GSS: variants seen among roughly 807,000 people sequenced by gnomAD.
GSS encodes glutathione synthetase, also known as GSH synthetase.
A neutral mutation model predicts 60.4 loss-of-function variants in GSS; 34 were observed. The observed-to-expected ratio is 0.56, with a 90% confidence interval of 0.43 to 0.75. GSS has a LOEUF of 0.75. Among genes scored for constraint, GSS ranks in the 30% least tolerant of loss-of-function variants. The pLI, the probability that GSS is intolerant of heterozygous loss-of-function variation, is 0.00. For synonymous variants in GSS, 224 were observed against 239.0 expected (o/e 0.94, Z 0.58); for missense variants, 499 against 595.1 (o/e 0.84, Z 1.68).
chr20:34,931,720 ACCT>A, intron 10 of GSS: 1 of 623,322 alleles, frequency 1.6e-6, no homozygotes, highest in Middle Eastern at 4.3e-4. Flanking sequence ...CCTCATCTCT[ACCT>A]TTGCTGAGGG....
intron 6 of GSS, among the ~76,000 whole-genome samples, chr20:34,937,646 C>G (rs2081450463): frequency 1.3e-5 from 2 of 152,096 alleles, no homozygotes; most frequent in African/African-American, 2.4e-5. Flanking sequence ...AATGAGATCA[C>G]TAGGGCTTAT....
intron 11 of GSS, 31 bp from the exon 12 acceptor site, chr20:34,929,621 C>A (rs754511253): frequency 1.3e-6 from 2 of 1,573,568 alleles, no homozygotes; most frequent in Non-Finnish European, 1.7e-6. Context: ...CACCCTGGAC[C>A]CTCTGCCTAC....
intron 6 of GSS, among the ~76,000 whole-genome samples, chr20:34,941,263 A>G (rs573491326): frequency 1.3e-5 from 2 of 151,934 alleles, no homozygotes; most frequent in Admixed American, 6.6e-5. Context: ...GCTGAGGCAG[A>G]AGAATTGCTT....
chr20:34,950,849 T>G (rs765004960), intron 2 of GSS, among the ~76,000 whole-genome samples: 2 of 152,196 alleles, frequency 1.3e-5, no homozygotes, highest in Non-Finnish European at 2.9e-5. Context: ...CAAGCTGCAT[T>G]AGGGTAAACT....
At position 34,928,736 on chromosome 20, in the gene GSS, C is replaced by A. The variant is rs1481093457; in HGVS notation, c.*92G>T. ...ACCAGTATTTACCCTTCCATAAAAA[C>A]TTTGGAGGTCTTTAGGAGGATACCC... On this transcript the variant is annotated 3_prime_UTR_variant, in exon 13 of 13. Coordinates refer to ENST00000651619, the MANE Select transcript of GSS (RefSeq NM_000178.4). The A allele has an allele frequency of 2.1e-6, 3 of 1,439,576 alleles. No homozygotes were observed. Among genetic ancestry groups the A allele is most frequent in the Non-Finnish European group, 2.9e-6 (3 of 1,027,632 alleles). The allele number at this position is 1,439,576 out of a possible 1,614,324, so 89.2% of individuals were successfully genotyped here. A position where few individuals can be genotyped will look rare whatever the true frequency, so the allele number is the denominator to read the frequency against.
At chr20:34,948,894 A>G (rs1028316341) in intron 2 of GSS, among the ~76,000 whole-genome samples, 1 of 152,214 alleles carries the variant, frequency 6.6e-6, no homozygotes, top group Non-Finnish European at 1.5e-5. Context: ...AATTGTGGCA[A>G]AAAGAAGTAC....
intron 2 of GSS, chr20:34,946,876 T>C (rs2081527027): frequency 6.6e-6 from 1 of 152,170 alleles, no homozygotes; most frequent in Admixed American, 6.5e-5. Context: ...GAAACCCAAA[T>C]ACCATCAAGG....
chr20:34,933,548 C>T (rs752813709), intron 9 of GSS: 230 of 153,592 alleles, frequency 1.5e-3, no homozygotes, highest in Non-Finnish European at 1.5e-3. Context: ...GTCCTTGGCT[C>T]CAGACCACTG....
intron 5 of GSS, 82 bp downstream of exon 5, chr20:34,942,406 G>A (rs2081490290): frequency 5.3e-6 from 7 of 1,320,988 alleles, no homozygotes. Context: ...ATCATAGCTG[G>A]AGTTCCCTGG....
intron 3 of GSS, among the ~76,000 whole-genome samples, chr20:34,944,136 G>A (rs2081504285): frequency 6.6e-6 from 1 of 152,210 alleles, no homozygotes; most frequent in Admixed American, 6.5e-5. Context: ...GAGAGTCCCA[G>A]CTGGGCTTCA....
chr20:34,946,789 T>A (rs771325519), intron 2 of GSS: 1 of 152,208 alleles, frequency 6.6e-6, no homozygotes, highest in Non-Finnish European at 1.5e-5. Context: ...TTTCCACCAA[T>A]GTTAGTGATG....
At position 34,942,501 on chromosome 20, in the gene GSS, G is replaced by A; in HGVS notation, c.478C>T (p.Pro160Ser). The A allele has an allele frequency of 6.2e-7, 1 of 1,613,866 alleles. No individual in the cohort carries two copies. Among genetic ancestry groups the A allele is most frequent in the Non-Finnish European group, 8.5e-7 (1 of 1,179,962 alleles). ...CAGGGGACCCACCGGTGCACAGCTGGGGTCCGGGAGGCCAGGCCCCCAAAG... is the reference window on the plus strand; with the variant it reads ...CAGGGGACCCACCGGTGCACAGCTGAGGTCCGGGAGGCCAGGCCCCCAAAG... ...ASFGGLASRT[P>S]AVHRHVLSVL... The change falls in exon 5 of 13, where the codon CCA (proline) becomes TCA (serine). Residue 160 changes from proline to serine, a missense_variant. Pro to Ser is a moderately conservative substitution (Grantham distance 74). Transcript: ENST00000651619.
At chr20:34,933,289 TTTG>T (rs1727421147) in intron 9 of GSS, among the ~76,000 whole-genome samples, 1 of 152,140 alleles carries the variant, frequency 6.6e-6, no homozygotes, top group African/African-American at 2.4e-5. Context: ...TCAATAAATA[TTTG>T]TTGTTGTTGC....
chr20:34,944,576 G>T (rs921819601), intron 3 of GSS, among the ~76,000 whole-genome samples: 1 of 152,118 alleles, frequency 6.6e-6, no homozygotes, highest in Admixed American at 6.6e-5. Context: ...ATTAATCAAA[G>T]ACATGCAATT....
chr20:34,952,296 T>A (rs2081575226), intron 1 of GSS: 1 of 255,998 alleles, frequency 3.9e-6, no homozygotes, highest in South Asian at 4.6e-5. Flanking sequence ...ATTCCCTAAC[T>A]GTGAAACAAG....
chr20:34,941,776 T>C lies in GSS; in HGVS notation c.545A>G (p.Asn182Ser). 1.2e-6 allele frequency: 2 copies of C among 1,611,938 alleles called. No homozygotes were observed. The highest frequency in any genetic ancestry group is 1.1e-5 in the South Asian group (1 of 90,998). Reference sequence around the variant, plus strand: ...CAGGGCCAGTCCCTTGCTGGGATTATTAGAGAGGATCTTGCCAGCTTCTTT... The same window carrying C: ...CAGGGCCAGTCCCTTGCTGGGATTACTAGAGAGGATCTTGCCAGCTTCTTT... ...KTKEAGKILS[N>S]NPSKGLALGI... is the part of the protein sequence containing the mutation. The change falls in exon 6 of 13, where the codon AAT (asparagine) becomes AGT (serine). Residue 182 changes from asparagine (N) to serine (S), a missense_variant. Coordinates refer to ENST00000651619, the MANE Select transcript of GSS (RefSeq NM_000178.4).
chr20:34,938,910 T>C (rs534826225), intron 6 of GSS, among the ~76,000 whole-genome samples: 1 of 152,182 alleles, frequency 6.6e-6, no homozygotes, highest in East Asian at 1.9e-4. Context: ...GGTAAGGCAA[T>C]TTCGTTCCTT....
chr20:34,938,019 G>A (rs564859466), intron 6 of GSS, among the ~76,000 whole-genome samples: 11 of 152,134 alleles, frequency 7.2e-5, no homozygotes, highest in South Asian at 4.2e-4. Context: ...CACCCCCGCC[G>A]GCTAATTTTT....
chr20:34,931,247 G>T, intron 11 of GSS, 89 bp downstream of exon 11: 1 of 1,025,314 alleles, frequency 9.8e-7, no homozygotes, highest in Non-Finnish European at 1.6e-6. Flanking sequence ...CCATGCCCGG[G>T]ACTGTGCCCA....
Sources: gnomAD v4.1 joint callset for allele counts (sites outside exome capture counted in the v4.1 genomes callset) on GRCh38, gnomAD v4.1.1 for gene constraint, MANE v1.5 for transcripts, NCBI Gene and HGNC (gene_info 2026-07-23, HGNC 2026-07-21) for gene names.